Variants in PPP4R2 observed in about 807,000 individuals in gnomAD.
The protein encoded by PPP4R2 is protein phosphatase 4 regulatory subunit 2.
In PPP4R2, 13 loss-of-function variants were observed where a neutral mutation model predicts 47.2. The ratio of observed to expected loss-of-function variants is 0.28; its 90% CI spans 0.18 to 0.44. The LOEUF (loss-of-function observed/expected upper bound fraction) is 0.44. Ranked by LOEUF, PPP4R2 falls within the 20% of genes least tolerant of loss-of-function variation. PPP4R2 has a pLI of 1.00. For missense variants in PPP4R2, 421 were observed against 491.2 expected (o/e 0.86, Z 1.35); for synonymous variants, 151 against 163.3 (o/e 0.92, Z 0.57).
chr3:73,017,309 ACCATAGAGGTATACC>A (rs1559551405), intron 2 of PPP4R2, among the ~76,000 whole-genome samples: 2 of 151,928 alleles, frequency 1.3e-5, no homozygotes, highest in Non-Finnish European at 2.9e-5. Context: ...ACCACAGGTA[ACCATAGAGGTATACC>A]TAACCTTTAG....
chr3:73,019,767 G>C (rs1701921812), intron 2 of PPP4R2, among the ~76,000 whole-genome samples: 1 of 151,212 alleles, frequency 6.6e-6, no homozygotes, highest in Non-Finnish European at 1.5e-5. Flanking sequence ...TATTCTGAGT[G>C]AAGTATACTT....
In PPP4R2 at chr3:73,068,563, C is replaced by T. The variant is rs935002434; in HGVS notation, c.*2841C>T. ...GTTTATTGTAACTACACCTTTCAGACGTGTGTTTTGGAGTAGTGGAATTGC... is the reference window on the plus strand; with the variant it reads ...GTTTATTGTAACTACACCTTTCAGATGTGTGTTTTGGAGTAGTGGAATTGC... On this transcript the variant is annotated 3_prime_UTR_variant, in exon 9 of 9. Transcript: ENST00000356692. The T allele has an allele frequency of 5.3e-5, 8 of 152,238 alleles. No individual in the cohort carries two copies. The South Asian group carries it at 6.2e-4, about 12-fold the overall frequency. The allele number at this position is 152,238 out of a possible 1,614,324, so 9.4% of individuals were successfully genotyped here. A position where few individuals can be genotyped will look rare whatever the true frequency, so the allele number is the denominator to read the frequency against.
intron 3 of PPP4R2, among the ~76,000 whole-genome samples, chr3:73,051,876 C>T (rs750333057): frequency 5.3e-5 from 8 of 152,096 alleles, no homozygotes; most frequent in African/African-American, 9.7e-5. Flanking sequence ...CCACCCACCT[C>T]GGCCTCCCAA....
At chr3:73,042,045 G>C (rs1702389655) in intron 2 of PPP4R2, among the ~76,000 whole-genome samples, 1 of 152,084 alleles carries the variant, frequency 6.6e-6, no homozygotes, top group Non-Finnish European at 1.5e-5. Flanking sequence ...AGGAAGTGAA[G>C]GGAGGTGAAG....
intron 2 of PPP4R2, among the ~76,000 whole-genome samples, chr3:73,021,848 A>ATATG (rs1553646868): frequency 3.1e-5 from 4 of 131,006 alleles, no homozygotes; most frequent in African/African-American, 8.8e-5. Context: ...ACATTTCTAT[A>ATATG]TGTGTGTGTG....
At chr3:73,015,025 A>G (rs1701795148) in intron 2 of PPP4R2, 1 of 659,700 alleles carries the variant, frequency 1.5e-6, no homozygotes, top group African/African-American at 1.8e-5. Context: ...TCCTCGAAAT[A>G]TACTCCTGGC....
rs138188137 is a variant in PPP4R2 at position 73,006,668 on chromosome 3, G to T, written c.116+8510G>T. ...TTGTGGGGCTTACCTCTAGATTGGA[G>T]CACTGTTGGGTCACTTTCAAGAGCT... On this transcript the variant is annotated intron_variant, in intron 2 of 8. Transcript: ENST00000356692. Among the ~76,000 whole-genome samples the T allele has an allele frequency of 2.8e-4, 43 of 152,268 alleles. No individual in the cohort carries two copies. In the East Asian group the frequency reaches 8.1e-3, roughly 29 times the overall value.
chr3:73,017,096 A>G (rs940439309), intron 2 of PPP4R2, among the ~76,000 whole-genome samples: 1 of 152,010 alleles, frequency 6.6e-6, no homozygotes, highest in African/African-American at 2.4e-5. Context: ...CAGTGCTGGG[A>G]TTAATAGAGA....
chr3:73,012,279 G>T (rs545920443), intron 2 of PPP4R2, among the ~76,000 whole-genome samples: 43 of 152,220 alleles, frequency 2.8e-4, no homozygotes, highest in Middle Eastern at 6.8e-3. Flanking sequence ...CCACATTTCA[G>T]TACAATTTTT....
At position 73,066,957 on chromosome 3, in the gene PPP4R2, C is replaced by T. The variant is rs1017751481; in HGVS notation, c.*1235C>T. The stretch of plus-strand genomic sequence containing the variant: ...ATTTTCAAATTTACATATTTAAAGT[C>T]ATGCAAGCTGTAACTTCCCTGTCAA... On this transcript the variant is annotated 3_prime_UTR_variant, in exon 9 of 9. Coordinates refer to ENST00000356692, the MANE Select transcript of PPP4R2 (RefSeq NM_174907.4). The T allele has an allele frequency of 6.6e-6, 1 of 152,098 alleles. No individual in the cohort carries two copies. The highest frequency in any genetic ancestry group is 1.5e-5 in the Non-Finnish European group (1 of 67,952). The allele number at this position is 152,098 out of a possible 1,614,324, so 9.4% of individuals were successfully genotyped here.
chr3:73,019,260 A>G (rs959788224), intron 2 of PPP4R2, among the ~76,000 whole-genome samples: 1 of 152,226 alleles, frequency 6.6e-6, no homozygotes, highest in African/African-American at 2.4e-5. Context: ...TGATGTTCAC[A>G]CATTGGAATC....
At chr3:73,046,738 T>A (rs2107309513) in intron 2 of PPP4R2, among the ~76,000 whole-genome samples, 1 of 152,334 alleles carries the variant, frequency 6.6e-6, no homozygotes, top group South Asian at 2.1e-4. Flanking sequence ...TTTATTTTGT[T>A]ATTTAGTAGA....
rs540828406 is a variant in PPP4R2, at chr3:73,060,396, C to A, written c.382-627C>A. 6.0e-4 allele frequency among the ~76,000 whole-genome samples: 91 copies of A among 152,244 alleles called. No individual in the cohort carries two copies. The Middle Eastern group carries it at 0.014, about 23-fold the overall frequency. On this transcript the variant is annotated intron_variant, in intron 4 of 8. Transcript: ENST00000356692. ...CATACCAGGTGCCCTGCCTTTAAAT[C>A]AGGGTTGCAGTGTTTCATAGTTGTG...
intron 2 of PPP4R2, among the ~76,000 whole-genome samples, chr3:73,018,298 G>A (rs1271733910): frequency 6.6e-6 from 1 of 151,964 alleles, no homozygotes; most frequent in Non-Finnish European, 1.5e-5. Context: ...TGTATTCGTG[G>A]GTTCTACAGG....
intron 2 of PPP4R2, among the ~76,000 whole-genome samples, chr3:73,006,596 G>T (rs560586469): frequency 2.6e-5 from 4 of 152,140 alleles, no homozygotes; most frequent in Non-Finnish European, 5.9e-5. Flanking sequence ...CTCCACTTCT[G>T]CTTTTTTTTG....
chr3:73,014,929 C>T lies in PPP4R2; in HGVS notation c.116+16771C>T, dbSNP rs780021032. On this transcript the variant is annotated intron_variant, in intron 2 of 8. Transcript: ENST00000356692. ...GTGTTGCCCAGGCTGGCCTCGAAAC[C>T]CTGGCCTCAAGTGATCCACCTGCCT... is the stretch of plus-strand genomic sequence containing the variant. 3 of 680,278 alleles carry T rather than the reference C, an allele frequency of 4.4e-6. No homozygotes were observed. In the African/African-American group the frequency reaches 5.3e-5, roughly 12 times the overall value. The allele number at this position is 680,278 out of a possible 1,614,324, so 42.1% of individuals were successfully genotyped here. A position where few individuals can be genotyped will look rare whatever the true frequency, so the allele number is the denominator to read the frequency against.
At chr3:73,017,733 C>CT (rs948149771) in intron 2 of PPP4R2, among the ~76,000 whole-genome samples, 101 of 145,976 alleles carry the variant, frequency 6.9e-4, no homozygotes, top group Non-Finnish European at 8.3e-4. Flanking sequence ...TCCATACCAG[C>CT]TTTTTTTTTT....
chr3:73,020,346 G>T (rs183071837), intron 2 of PPP4R2, among the ~76,000 whole-genome samples: 1 of 151,698 alleles, frequency 6.6e-6, no homozygotes, highest in Non-Finnish European at 1.5e-5. Flanking sequence ...ACATCCCCAC[G>T]CCTGGCTTAT....
At chr3:73,035,379 G>C (rs909723967) in intron 2 of PPP4R2, among the ~76,000 whole-genome samples, 2 of 152,082 alleles carry the variant, frequency 1.3e-5, no homozygotes, top group Admixed American at 6.5e-5. Context: ...CAGCCTGGGT[G>C]ACAGAGTGAG....
Sources: gnomAD v4.1 joint callset for allele counts (sites outside exome capture counted in the v4.1 genomes callset) on GRCh38, gnomAD v4.1.1 for gene constraint, MANE v1.5 for transcripts, NCBI Gene and HGNC (gene_info 2026-07-23, HGNC 2026-07-21) for gene names.